FHOD3: variants seen among roughly 807,000 people sequenced by gnomAD.
FHOD3 encodes FH1/FH2 domain-containing protein 3.
Under a neutral mutation model 173.0 loss-of-function variants are expected in FHOD3, and 90 were observed. The observed-to-expected ratio is 0.52, with a 90% confidence interval of 0.44 to 0.62. FHOD3 has a LOEUF of 0.62. Ranked by LOEUF, FHOD3 falls within the 20% of genes least tolerant of loss-of-function variation. The pLI, the probability that FHOD3 is intolerant of heterozygous loss-of-function variation, is 0.00. For missense variants in FHOD3, 1,945 were observed against 2,034.7 expected, an observed-to-expected ratio of 0.96 and a Z score of 0.85; for synonymous variants, 828 against 823.0, an observed-to-expected ratio of 1.01 and a Z score of -0.10.
At chr18:36,514,464 G>A (rs1228498866) in intron 5 of FHOD3, among the ~76,000 whole-genome samples, 1 of 152,190 alleles carries the variant, frequency 6.6e-6, no homozygotes, top group Non-Finnish European at 1.5e-5. Flanking sequence ...GGAGGAAGGT[G>A]CAGAGATAAG....
intron 14 of FHOD3, among the ~76,000 whole-genome samples, chr18:36,669,853 T>C (rs2037415201): frequency 6.6e-6 from 1 of 152,036 alleles, no homozygotes; most frequent in African/African-American, 2.4e-5. Flanking sequence ...AATTCTTTTT[T>C]ATTTTTGTGT....
intron 7 of FHOD3, among the ~76,000 whole-genome samples, chr18:36,595,600 G>T (rs2030210130): frequency 6.6e-6 from 1 of 152,254 alleles, no homozygotes; most frequent in African/African-American, 2.4e-5. Flanking sequence ...CCAAGTCGGG[G>T]TTGCCTGCTC....
intron 1 of FHOD3, among the ~76,000 whole-genome samples, chr18:36,325,165 A>G (rs1335074370): frequency 6.6e-6 from 1 of 151,688 alleles, no homozygotes; most frequent in Non-Finnish European, 1.5e-5. Context: ...TTACCTTTGG[A>G]GAGGAGGGGG....
chr18:36,573,502 A>G (rs1236605971), intron 5 of FHOD3, among the ~76,000 whole-genome samples: 1 of 150,936 alleles, frequency 6.6e-6, no homozygotes, highest in Non-Finnish European at 1.5e-5. Flanking sequence ...GCTACTCAGG[A>G]GGCTGAGATG....
chr18:36,761,239 G>T (rs28417383), intron 27 of FHOD3, among the ~76,000 whole-genome samples: 25,103 of 152,144 alleles, frequency 0.16, 3,263 homozygotes, highest in African/African-American at 0.37. Context: ...TGCCAACCCT[G>T]CCCTACAGCA....
At chr18:36,602,227 C>G (rs2031485269) in intron 7 of FHOD3, among the ~76,000 whole-genome samples, 1 of 152,192 alleles carries the variant, frequency 6.6e-6, no homozygotes, top group African/African-American at 2.4e-5. Context: ...ATTTGCTAGA[C>G]AGGCATGTCA....
intron 17 of FHOD3, among the ~76,000 whole-genome samples, chr18:36,707,335 C>T (rs1376054899): frequency 1.3e-5 from 2 of 152,116 alleles, no homozygotes; most frequent in African/African-American, 4.8e-5. Flanking sequence ...GTTCCTGCCC[C>T]AGGCTGGAGT....
chr18:36,479,288 T>C (rs898967438), intron 3 of FHOD3, among the ~76,000 whole-genome samples: 29 of 152,360 alleles, frequency 1.9e-4, no homozygotes, highest in Admixed American at 5.9e-4. Flanking sequence ...GTACTATACA[T>C]TGCCTTTTTG....
At chr18:36,447,017 G>A (rs966363561) in intron 3 of FHOD3, among the ~76,000 whole-genome samples, 2 of 152,262 alleles carry the variant, frequency 1.3e-5, no homozygotes, top group African/African-American at 4.8e-5. Flanking sequence ...AGGACCTGCT[G>A]TGATCACTTG....
intron 13 of FHOD3, among the ~76,000 whole-genome samples, chr18:36,656,065 C>G (rs1166480609): frequency 6.6e-6 from 1 of 152,168 alleles, no homozygotes; most frequent in Non-Finnish European, 1.5e-5. Flanking sequence ...GGCATGGAGC[C>G]TGTGTGGATC....
chr18:36,357,371 A>G (rs1487138622), intron 2 of FHOD3, among the ~76,000 whole-genome samples: 3 of 152,210 alleles, frequency 2.0e-5, no homozygotes, highest in Non-Finnish European at 4.4e-5. Flanking sequence ...TGTTTCAGGC[A>G]CTTAGCGAAT....
chr18:36,372,510 A>G lies in FHOD3; in HGVS notation c.273-170A>G, dbSNP rs140303791. On this transcript the variant is annotated intron_variant, in intron 2 of 28. Coordinates refer to ENST00000590592, the MANE Select transcript of FHOD3 (RefSeq NM_001281740.3). ...GACTTCTTTATTTTATTTTTGTGAA[A>G]GTCCTGTGATGTCAACATTATTTCA... is the stretch of plus-strand genomic sequence containing the variant. Among the ~76,000 whole-genome samples, 4 of 152,322 alleles carry G rather than the reference A, an allele frequency of 2.6e-5. No individual in the cohort carries two copies. In the East Asian group the frequency reaches 7.7e-4, roughly 29 times the overall value.
Position 36,455,441 on chromosome 18 carries a change from T to C in FHOD3, c.338-46491T>C, listed in dbSNP as rs560355802. ...TCATTGTTTCACAGTAGATTTTTCT[T>C]TTGCTTTAATCCTATCTATATATTA... is the stretch of plus-strand genomic sequence containing the variant. On this transcript the variant is annotated intron_variant, in intron 3 of 28. Coordinates refer to ENST00000590592, the MANE Select transcript of FHOD3 (RefSeq NM_001281740.3). 4.0e-4 allele frequency among the ~76,000 whole-genome samples: 61 copies of C among 152,344 alleles called. 1 individual carries two copies. The highest frequency in any genetic ancestry group is 1.5e-3 in the African/African-American group (61 of 41,578).
At position 36,625,709 on chromosome 18, in the gene FHOD3, C is replaced by T. The variant is rs752224880; in HGVS notation, c.1156C>T (p.Pro386Ser). 5.6e-6 allele frequency: 9 copies of T among 1,610,026 alleles called. No individual in the cohort carries two copies. The highest frequency in any genetic ancestry group is 4.5e-5 in the East Asian group (2 of 44,560). Residue 386 changes from proline (P) to serine (S), a missense_variant, in exon 10 of 29, where the codon CCC becomes TCC. Transcript: ENST00000590592. ...APTSPCSQSA[P>S]SFKPNQVRDL... is the part of the protein sequence containing the mutation. ...CACCAGTCCCTGCTCCCAGTCAGCT[C>T]CCAGCTTCAAGCCCAACCAAGTGCG...
At chr18:36,428,161 C>T (rs984407021) in intron 3 of FHOD3, among the ~76,000 whole-genome samples, 1 of 152,042 alleles carries the variant, frequency 6.6e-6, no homozygotes, top group South Asian at 2.1e-4. Context: ...TGTAGCTCGC[C>T]TCTAAGGCAT....
intron 7 of FHOD3, among the ~76,000 whole-genome samples, chr18:36,599,550 GA>G (rs761279019): frequency 2.0e-5 from 3 of 152,182 alleles, no homozygotes; most frequent in Non-Finnish European, 4.4e-5. Flanking sequence ...TGTAGTATGT[GA>G]AAAGACATGG....
intron 20 of FHOD3, among the ~76,000 whole-genome samples, chr18:36,732,517 C>G (rs926904181): frequency 2.0e-5 from 3 of 152,188 alleles, no homozygotes; most frequent in Non-Finnish European, 4.4e-5. Flanking sequence ...GGTGTGTTCT[C>G]TGTCTTCAAA....
chr18:36,666,945 G>T (rs1198177343), intron 14 of FHOD3, among the ~76,000 whole-genome samples: 2 of 152,136 alleles, frequency 1.3e-5, no homozygotes, highest in Non-Finnish European at 2.9e-5. Flanking sequence ...AGCAACCACT[G>T]ATCTGCTTCT....
chr18:36,663,202 T>C (rs2036929036), intron 14 of FHOD3, among the ~76,000 whole-genome samples: 2 of 152,236 alleles, frequency 1.3e-5, no homozygotes, highest in Admixed American at 6.5e-5. Context: ...CTGGAAATTA[T>C]TTTGGCAAAT....
Sources: allele counts gnomAD v4.1 joint callset (sites outside exome capture counted in the v4.1 genomes callset), GRCh38; gene constraint gnomAD v4.1.1; transcripts MANE v1.5; gene names NCBI Gene and HGNC (gene_info 2026-07-23, HGNC 2026-07-21).